The following RADIL variants were observed in gnomAD, a reference collection of about 807,000 sequenced individuals.
RADIL encodes Rap associating with DIL domain.
A neutral mutation model predicts 97.6 loss-of-function variants in RADIL; 99 were observed. That is an observed-to-expected ratio of 1.01 (90% CI 0.86 to 1.20). The LOEUF (loss-of-function observed/expected upper bound fraction) is 1.20. RADIL is among the 50% of genes most tolerant of loss of function. RADIL has a pLI of 0.00. For synonymous variants in RADIL, 803 were observed against 691.8 expected, an observed-to-expected ratio of 1.16 and a Z score of -2.52; for missense variants, 1,765 against 1,498.9, an observed-to-expected ratio of 1.18 and a Z score of -2.93.
intron 7 of RADIL, among the ~76,000 whole-genome samples, chr7:4,816,915 C>A (rs532561262): frequency 6.6e-6 from 1 of 152,312 alleles, no homozygotes; most frequent in South Asian, 2.1e-4. Context: ...GACAACAGGG[C>A]CATGTCCCTT....
At position 4,805,596 on chromosome 7, in the gene RADIL, C is replaced by T. The variant is rs746214165; in HGVS notation, c.2260G>A (p.Ala754Thr). 6.2e-7 allele frequency: 1 copy of T among 1,611,028 alleles called. No individual in the cohort carries two copies. Among genetic ancestry groups the T allele is most frequent in the Non-Finnish European group, 8.5e-7 (1 of 1,179,320 alleles). ...MGPMSTWEPG[A>T]QDSPEAFRSE... is the part of the protein sequence containing the mutation. ...CTGAAGGCCTCGGGGCTGTCCTGGG[C>T]CCCTGGCTCCCAGGTGCTCATGGGG... The change falls in exon 10 of 15, where the codon GCC (alanine) becomes ACC (threonine). Residue 754 changes from alanine to threonine, a missense_variant. Ala to Thr is a moderately conservative substitution (Grantham distance 58, BLOSUM62 0). Coordinates refer to ENST00000399583, the MANE Select transcript of RADIL (RefSeq NM_018059.5).
chr7:4,871,004 C>T lies in RADIL; in HGVS notation c.535+6601G>A, dbSNP rs183605643. Among the ~76,000 whole-genome samples the T allele has an allele frequency of 2.7e-4, 41 of 152,328 alleles. 1 individual carries two copies. The East Asian group carries it at 7.9e-3, about 29-fold the overall frequency. On this transcript the variant is annotated intron_variant, in intron 2 of 14. Transcript: ENST00000399583. ...ACTGAAGGATGAAACTGGCTGTGAG[C>T]AACTAACCATTCAAGTTTATTTTCT...
intron 2 of RADIL, among the ~76,000 whole-genome samples, chr7:4,869,488 A>G (rs1442997153): frequency 1.3e-5 from 2 of 149,950 alleles, no homozygotes; most frequent in Non-Finnish European, 3.0e-5. Flanking sequence ...ATATAATTTT[A>G]CCTTTGACAC....
rs1469691465 is a variant in RADIL at position 4,835,636 on chromosome 7, G to GGAGCACTGCCGCCTGTGTGA, written c.784-417_784-398dup. On this transcript the variant is annotated intron_variant, in intron 3 of 14. Transcript: ENST00000399583. This position sits in a 1 kb window ranked among gnomAD's most constrained non-coding sequence, Gnocchi z 5.8. ...GTGTGGGAGCACCACCCCCAGTGTG[G>GGAGCACTGCCGCCTGTGTGA]GAGCACTGCCGCCTGTGTGAGAGCA... Among the ~76,000 whole-genome samples the GGAGCACTGCCGCCTGTGTGA allele has an allele frequency of 6.6e-6, 1 of 152,112 alleles. No homozygotes were observed.
At position 4,879,266 on chromosome 7, in the gene RADIL, T is replaced by C. The variant is rs6944694; in HGVS notation, c.-64-1063A>G. On this transcript the variant is annotated intron_variant, in intron 1 of 14. Coordinates refer to ENST00000399583, the MANE Select transcript of RADIL (RefSeq NM_018059.5). The surrounding 1 kb of genome is among the most constrained non-coding windows in gnomAD (Gnocchi z 4.1). ...GCGTGTCATACAATCACACTTCTAA[T>C]GTCCGTAGCGTGCCCAGGGCCAGGA... 0.2 allele frequency among the ~76,000 whole-genome samples: 29,946 copies of C among 152,224 alleles called. 5,710 individuals are homozygous for C. The highest frequency in any genetic ancestry group is 0.5 in the African/African-American group (20,896 of 41,506).
Position 4,817,459 on chromosome 7 carries a change from C to T in RADIL, c.1616-108G>A. 1.1e-6 allele frequency: 1 copy of T among 946,030 alleles called. No homozygotes were observed. The highest frequency in any genetic ancestry group is 1.6e-5 in the South Asian group (1 of 61,948). 58.6% of individuals were successfully genotyped at this position (946,030 alleles called of 1,614,324 possible). A position where few individuals can be genotyped will look rare whatever the true frequency, so the allele number is the denominator to read the frequency against. ...CCTGGCGCGGGCACCACCCAACGCG[C>T]CCATCTGGGGTCCAGATGCGATAAA... On this transcript the variant is annotated intron_variant, in intron 6 of 14. Transcript: ENST00000399583. This position sits in a 1 kb window ranked among gnomAD's most constrained non-coding sequence, Gnocchi z 8.3.
At chr7:4,832,450 T>C (rs1003550394) in intron 4 of RADIL, among the ~76,000 whole-genome samples, 2 of 152,024 alleles carry the variant, frequency 1.3e-5, no homozygotes, top group African/African-American at 2.4e-5. Flanking sequence ...ATTTAAAAAA[T>C]AGTAGAGGCT....
intron 5 of RADIL, among the ~76,000 whole-genome samples, chr7:4,831,477 C>T (rs142134978): frequency 0.023 from 3,428 of 151,214 alleles, 65 homozygotes; most frequent in Non-Finnish European, 0.026. Flanking sequence ...ACAACAAGCC[C>T]GCACGACATA....
At chr7:4,877,307 G>A (rs527303353) in intron 2 of RADIL, among the ~76,000 whole-genome samples, 1 of 152,296 alleles carries the variant, frequency 6.6e-6, no homozygotes, top group Admixed American at 6.5e-5. Context: ...GCTGGGTGTG[G>A]TGGTGCACCT....
chr7:4,844,550 T>C (rs374478704), intron 2 of RADIL, among the ~76,000 whole-genome samples: 1 of 152,230 alleles, frequency 6.6e-6, no homozygotes, highest in African/African-American at 2.4e-5. Flanking sequence ...ATTATTATAA[T>C]TAACAAGTGA....
chr7:4,850,535 A>G (rs1338445209), intron 2 of RADIL, among the ~76,000 whole-genome samples: 2 of 152,210 alleles, frequency 1.3e-5, no homozygotes, highest in Admixed American at 6.5e-5. Context: ...TGGTCACGGA[A>G]GAGAAGTCAG....
At chr7:4,816,733 C>T (rs372853699) in intron 7 of RADIL, among the ~76,000 whole-genome samples, 18 of 152,194 alleles carry the variant, frequency 1.2e-4, no homozygotes, top group South Asian at 8.3e-4. Flanking sequence ...ACTCAGAAGG[C>T]GCACAGAGGT....
chr7:4,833,491 A>AG (rs1783205320), intron 4 of RADIL, among the ~76,000 whole-genome samples: 1 of 152,272 alleles, frequency 6.6e-6, no homozygotes, highest in African/African-American at 2.4e-5. Flanking sequence ...CGGGAACCCG[A>AG]GGGGAAGAGG....
At chr7:4,863,286 CT>C (rs1325920951) in intron 2 of RADIL, among the ~76,000 whole-genome samples, 3 of 152,318 alleles carry the variant, frequency 2.0e-5, no homozygotes, top group African/African-American at 7.2e-5. Context: ...GTTTTTCCCC[CT>C]ACCTTTTATT....
chr7:4,857,424 T>C (rs1269923762), intron 2 of RADIL, among the ~76,000 whole-genome samples: 1 of 152,196 alleles, frequency 6.6e-6, no homozygotes, highest in Non-Finnish European at 1.5e-5. Flanking sequence ...GTTTGGTCCA[T>C]TTATTGTAGT....
rs201312293 is a variant in RADIL at position 4,817,273 on chromosome 7, T to C, written c.1694A>G (p.Tyr565Cys). ...AMAVLEEVVLYAFQQCVYYVS... is the reference protein window; with the variant it reads ...AMAVLEEVVLCAFQQCVYYVS... ...ATAGTAGACGCACTGCTGGAAGGCG[T>C]ACAGCACCACCTCCTCCAGCACCGC... is the stretch of plus-strand genomic sequence containing the variant. The change falls in exon 7 of 15, where the codon TAC (tyrosine) becomes TGC (cysteine). Residue 565 changes from tyrosine to cysteine, a missense_variant. Tyr to Cys is a radical substitution (Grantham distance 194, BLOSUM62 -2). Coordinates refer to ENST00000399583, the MANE Select transcript of RADIL (RefSeq NM_018059.5). The surrounding 1 kb of genome is among the most constrained non-coding windows in gnomAD (Gnocchi z 8.3). 9,797 of 1,612,680 alleles carry C rather than the reference T, an allele frequency of 6.1e-3. 53 individuals are homozygous for C. Among genetic ancestry groups the C allele is most frequent in the Admixed American group, 7.9e-3 (473 of 59,996 alleles).
rs1463225166 is a variant in RADIL at position 4,883,193 on chromosome 7, C to T, written c.-65+403G>A. 6.6e-6 allele frequency among the ~76,000 whole-genome samples: 1 copy of T among 152,116 alleles called. No individual in the cohort carries two copies. Among genetic ancestry groups the T allele is most frequent in the African/African-American group, 2.4e-5 (1 of 41,424 alleles). On this transcript the variant is annotated intron_variant, in intron 1 of 14. Transcript: ENST00000399583. The surrounding 1 kb of genome is among the most constrained non-coding windows in gnomAD (Gnocchi z 7.1). Reference sequence around the variant, plus strand: ...CCCGCTCCCCCGCTGCGCCCCGCTCCCCCGCTGCGCGCCCCGGACGAAGCT... The same window carrying T: ...CCCGCTCCCCCGCTGCGCCCCGCTCTCCCGCTGCGCGCCCCGGACGAAGCT...
At position 4,819,229 on chromosome 7, in the gene RADIL, G is replaced by A. The variant is rs1301678179; in HGVS notation, c.1616-1878C>T. 6.6e-6 allele frequency among the ~76,000 whole-genome samples: 1 copy of A among 151,962 alleles called. No homozygotes were observed. The highest frequency in any genetic ancestry group is 6.6e-5 in the Admixed American group (1 of 15,256). ...TAGGACTACAGGCACATGCCACCAT[G>A]CCTGGCTAATTTTTGTATTTTTAGT... is the stretch of plus-strand genomic sequence containing the variant. On this transcript the variant is annotated intron_variant, in intron 6 of 14. Transcript: ENST00000399583. The surrounding 1 kb of genome is among the most constrained non-coding windows in gnomAD (Gnocchi z 5.8).
chr7:4,817,954 G>T lies in RADIL; in HGVS notation c.1616-603C>A, dbSNP rs558454814. On this transcript the variant is annotated intron_variant, in intron 6 of 14. Coordinates refer to ENST00000399583, the MANE Select transcript of RADIL (RefSeq NM_018059.5). The surrounding 1 kb of genome is among the most constrained non-coding windows in gnomAD (Gnocchi z 8.3). The stretch of plus-strand genomic sequence containing the variant: ...CCCCCAACAGGGTGGAGCCTTCCCC[G>T]GGGGCTTCCAGAAAGTGAGGGAGCA... 2.6e-4 allele frequency among the ~76,000 whole-genome samples: 40 copies of T among 152,334 alleles called. No homozygotes were observed. The highest frequency in any genetic ancestry group is 8.2e-4 in the African/African-American group (34 of 41,582).
Sources: allele counts gnomAD v4.1 joint callset (sites outside exome capture counted in the v4.1 genomes callset), GRCh38; gene constraint gnomAD v4.1.1; non-coding constraint Gnocchi (gnomAD v3.1); transcripts MANE v1.5; gene names NCBI Gene and HGNC (gene_info 2026-07-23, HGNC 2026-07-21).